The following FHIT variants were observed in gnomAD, a reference collection of about 807,000 sequenced individuals.
The protein encoded by FHIT is bis(5'-adenosyl)-triphosphatase.
FHIT carries 19 observed loss-of-function variants against 17.9 expected under a neutral mutation model. The ratio of observed to expected loss-of-function variants is 1.06; its 90% CI spans 0.74 to 1.56. The LOEUF is 1.56. FHIT is among the 40% of genes most tolerant of loss of function. The pLI, the probability that FHIT is intolerant of heterozygous loss-of-function variation, is 0.00. For missense variants in FHIT, 248 were observed against 189.2 expected (o/e 1.31, Z -1.82); for synonymous variants, 81 against 69.7 (o/e 1.16, Z -0.81).
intron 3 of FHIT, among the ~76,000 whole-genome samples, chr3:60,919,761 C>T (rs139076889): frequency 6.6e-6 from 1 of 152,114 alleles, no homozygotes; most frequent in Non-Finnish European, 1.5e-5. Context: ...ATAGGCCAGG[C>T]GCAGTGGCTC....
At chr3:59,986,292 C>T (rs1027675549) in intron 7 of FHIT, among the ~76,000 whole-genome samples, 3 of 151,432 alleles carry the variant, frequency 2.0e-5, no homozygotes, top group Admixed American at 6.6e-5. Flanking sequence ...TAAAATTCAA[C>T]GGCACCCCCT....
chr3:60,627,814 G>A (rs1032843025), intron 4 of FHIT, among the ~76,000 whole-genome samples: 18 of 152,280 alleles, frequency 1.2e-4, no homozygotes, highest in African/African-American at 4.3e-4. Context: ...GAGCCACTGC[G>A]CCTGGCCAGG....
intron 8 of FHIT, among the ~76,000 whole-genome samples, chr3:59,831,039 G>A (rs867063714): frequency 6.6e-6 from 1 of 152,088 alleles, no homozygotes; most frequent in African/African-American, 2.4e-5. Flanking sequence ...CATAGTATCC[G>A]ATGTTACCAG....
At chr3:60,265,908 T>TA (rs908971266) in intron 5 of FHIT, among the ~76,000 whole-genome samples, 3 of 150,524 alleles carry the variant, frequency 2.0e-5, no homozygotes, top group African/African-American at 7.3e-5. Flanking sequence ...CACCTATAAC[T>TA]AAAAAAAAAT....
At chr3:60,144,240 G>A (rs964055277) in intron 5 of FHIT, among the ~76,000 whole-genome samples, 2 of 152,156 alleles carry the variant, frequency 1.3e-5, no homozygotes, top group Non-Finnish European at 2.9e-5. Flanking sequence ...AGCAAGGCTG[G>A]GGAGACCAAC....
intron 5 of FHIT, among the ~76,000 whole-genome samples, chr3:60,405,417 G>A (rs1384075049): frequency 1.3e-5 from 2 of 152,166 alleles, no homozygotes. Flanking sequence ...CCTTCTGGTA[G>A]GGGGACCACC....
intron 5 of FHIT, among the ~76,000 whole-genome samples, chr3:60,487,913 G>A (rs867524932): frequency 1.3e-5 from 2 of 152,242 alleles, no homozygotes; most frequent in Middle Eastern, 3.4e-3. Context: ...TATTTCTCCA[G>A]CCAAAGCAAA....
intron 4 of FHIT, among the ~76,000 whole-genome samples, chr3:60,769,432 G>T (rs1007290018): frequency 1.3e-5 from 2 of 152,114 alleles, no homozygotes; most frequent in Non-Finnish European, 2.9e-5. Flanking sequence ...CTGTTGTAGA[G>T]GTCTTACAAC....
chr3:59,850,475 A>G (rs1178833687), intron 8 of FHIT, among the ~76,000 whole-genome samples: 1 of 152,162 alleles, frequency 6.6e-6, no homozygotes, highest in African/African-American at 2.4e-5. Context: ...TAAGCCCTCC[A>G]ATAAAAAATG....
chr3:60,984,509 C>T (rs929953515), intron 3 of FHIT, among the ~76,000 whole-genome samples: 4 of 152,150 alleles, frequency 2.6e-5, no homozygotes, highest in African/African-American at 9.7e-5. Context: ...CAAGAATGTT[C>T]GCAGCTCTGG....
At chr3:60,951,467 G>A (rs1708882669) in intron 3 of FHIT, among the ~76,000 whole-genome samples, 1 of 152,160 alleles carries the variant, frequency 6.6e-6, no homozygotes, top group African/African-American at 2.4e-5. Flanking sequence ...TGACCAAAAG[G>A]AACCGTAACA....
chr3:60,077,104 G>A (rs578040296), intron 5 of FHIT, among the ~76,000 whole-genome samples: 1 of 152,066 alleles, frequency 6.6e-6, no homozygotes, highest in African/African-American at 2.4e-5. Context: ...CAAAAGAGAA[G>A]TGTTGCTGAA....
At chr3:60,602,619 C>T (rs188225479) in intron 4 of FHIT, among the ~76,000 whole-genome samples, 1 of 151,900 alleles carries the variant, frequency 6.6e-6, no homozygotes, top group Admixed American at 6.6e-5. Context: ...GAGCTGGATC[C>T]AAATAAAAAT....
intron 5 of FHIT, among the ~76,000 whole-genome samples, chr3:60,122,821 A>G (rs1705321028): frequency 6.6e-6 from 1 of 152,234 alleles, no homozygotes; most frequent in Non-Finnish European, 1.5e-5. Context: ...AACTTTAAAG[A>G]TTAAATTACA....
intron 1 of FHIT, among the ~76,000 whole-genome samples, chr3:61,238,513 G>A (rs988219505): frequency 1.1e-4 from 16 of 152,146 alleles, no homozygotes; most frequent in Admixed American, 5.9e-4. Context: ...TAAAATCAAA[G>A]GTTAAATAAA....
At chr3:60,266,115 G>C (rs1300889708) in intron 5 of FHIT, among the ~76,000 whole-genome samples, 1 of 151,936 alleles carries the variant, frequency 6.6e-6, no homozygotes, top group Admixed American at 6.6e-5. Flanking sequence ...GTTTATAACA[G>C]CATCATCCAT....
At chr3:60,013,521 G>C (rs755740662) in intron 6 of FHIT, among the ~76,000 whole-genome samples, 1 of 152,052 alleles carries the variant, frequency 6.6e-6, no homozygotes, top group Non-Finnish European at 1.5e-5. Flanking sequence ...TTCTTCACTG[G>C]TCAGTGGGCC....
intron 5 of FHIT, among the ~76,000 whole-genome samples, chr3:60,051,086 G>A (rs1323025005): frequency 6.6e-6 from 1 of 152,170 alleles, no homozygotes; most frequent in African/African-American, 2.4e-5. Flanking sequence ...CTCTGCTAAA[G>A]TAAGGAAGTA....
At chr3:60,165,193 C>A (rs1701116296) in intron 5 of FHIT, among the ~76,000 whole-genome samples, 1 of 152,166 alleles carries the variant, frequency 6.6e-6, no homozygotes. Flanking sequence ...GCCAGGGAAG[C>A]TGCTGATGCT....
Sources: allele counts gnomAD v4.1 joint callset (sites outside exome capture counted in the v4.1 genomes callset), GRCh38; gene constraint gnomAD v4.1.1; transcripts MANE v1.5; gene names NCBI Gene and HGNC (gene_info 2026-07-23, HGNC 2026-07-21).